DEFB110: variants seen among roughly 807,000 people sequenced by gnomAD.
DEFB110 encodes the protein beta-defensin 110.
In DEFB110, 4 loss-of-function variants were observed where a neutral mutation model predicts 2.5. The observed-to-expected ratio is 1.60, with a 90% CI of 0.79 to 3.66. The LOEUF (loss-of-function observed/expected upper bound fraction) is 3.66. Among genes scored for constraint, DEFB110 ranks in the 30% most tolerant of loss-of-function variants. DEFB110 has a pLI of 0.01. For synonymous variants in DEFB110, 29 were observed against 21.8 expected, an observed-to-expected ratio of 1.33 and a Z score of -0.92; for missense variants, 94 against 75.4, an observed-to-expected ratio of 1.25 and a Z score of -0.91.
At chr6:50,017,683 CTA>C (rs148434252), downstream of DEFB110, among the ~76,000 whole-genome samples, 4,964 of 151,774 alleles carry the variant, frequency 0.033, 272 homozygotes, top group African/African-American at 0.11. Flanking sequence ...CAATCAAAGA[CTA>C]TGTAAATTTT....
chr6:50,009,872 G>A (rs1030597723), intron 1 of DEFB110, among the ~76,000 whole-genome samples: 11 of 152,010 alleles, frequency 7.2e-5, no homozygotes, highest in Non-Finnish European at 1.5e-4. Flanking sequence ...TTCTATTATA[G>A]TTTCTTGTGA....
exon 2 of DEFB110, chr6:50,009,254 G>A: frequency 6.3e-7 from 1 of 1,596,618 alleles, no homozygotes; most frequent in Non-Finnish European, 8.5e-7. Flanking sequence ...CTATACTTTG[G>A]TTCAAAATTG....
chr6:50,009,212 A>G (rs1248295369), exon 2 of DEFB110: 4 of 1,609,532 alleles, frequency 2.5e-6, no homozygotes, highest in Non-Finnish European at 3.4e-6. Flanking sequence ...AACGTTTTAC[A>G]TATTCCTCTC....
downstream of DEFB110, among the ~76,000 whole-genome samples, chr6:50,015,636 T>G (rs1774303283): frequency 6.6e-6 from 1 of 151,850 alleles, no homozygotes; most frequent in Non-Finnish European, 1.5e-5. Context: ...CTCTAACACT[T>G]ATTGCCTTGT....
chr6:50,018,525 A>G (rs1238492994), downstream of DEFB110, among the ~76,000 whole-genome samples: 1 of 151,948 alleles, frequency 6.6e-6, no homozygotes, highest in African/African-American at 2.4e-5. Flanking sequence ...CTCAATGTCC[A>G]GTCTCCCAAG....
chr6:50,010,422 T>C (rs546920897), intron 1 of DEFB110, among the ~76,000 whole-genome samples: 8 of 151,810 alleles, frequency 5.3e-5, no homozygotes, highest in African/African-American at 1.7e-4. Context: ...AGAGAAAAAC[T>C]AGAGAAGATC....
chr6:50,009,231 G>T lies in DEFB110; in HGVS notation c.96C>A (p.Cys32Ter). Residue 32 changes from cysteine (C) to a stop codon, truncating the protein, a stop_gained, in exon 2 of 2, where the codon TGC becomes TGA. Transcript: ENST00000393660. LOFTEE classifies it high-confidence loss of function. ...TTTTACATATTCCTCTCACTTTTTC[G>T]CATCTTTCAAATCTATACTTTGGTT... is the stretch of plus-strand genomic sequence containing the variant. The T allele has an allele frequency of 1.2e-6, 2 of 1,606,750 alleles. No homozygotes were observed. Among genetic ancestry groups the T allele is most frequent in the Non-Finnish European group, 8.5e-7 (1 of 1,178,290 alleles).
chr6:50,019,166 A>G (rs1774373442), intron 1 of DEFB110, 41 bp from the exon 2 acceptor site: 4 of 1,584,444 alleles, frequency 2.5e-6, no homozygotes, highest in South Asian at 1.1e-5. Context: ...CCATCTAGCT[A>G]TGACACATCC....
chr6:50,015,552 C>A (rs145683469), downstream of DEFB110, among the ~76,000 whole-genome samples: 1 of 151,890 alleles, frequency 6.6e-6, no homozygotes, highest in South Asian at 2.1e-4. Context: ...TACAATAGGG[C>A]TCTATGACAA....
At chr6:50,017,496 C>T (rs1056402859), downstream of DEFB110, among the ~76,000 whole-genome samples, 3 of 151,662 alleles carry the variant, frequency 2.0e-5, no homozygotes, top group Non-Finnish European at 2.9e-5. Flanking sequence ...GTGTGCTATT[C>T]GCATCTAGTG....
At chr6:50,014,720 C>T (rs1774287902), downstream of DEFB110, among the ~76,000 whole-genome samples, 2 of 151,860 alleles carry the variant, frequency 1.3e-5, no homozygotes, top group South Asian at 4.1e-4. Context: ...AGCTAATGAT[C>T]TTGCTCCCTT....
chr6:50,009,688 T>A (rs1774194632), intron 1 of DEFB110, among the ~76,000 whole-genome samples: 1 of 152,170 alleles, frequency 6.6e-6, no homozygotes, highest in Non-Finnish European at 1.5e-5. Flanking sequence ...TTGAACATAG[T>A]GGTCACACAA....
intron 1 of DEFB110, among the ~76,000 whole-genome samples, 183 bp downstream of exon 1, chr6:50,021,698 T>G (rs1774420355): frequency 6.6e-6 from 1 of 152,226 alleles, no homozygotes; most frequent in African/African-American, 2.4e-5. Context: ...TCATACTTGT[T>G]ATTTTTGTCT....
intron 1 of DEFB110, among the ~76,000 whole-genome samples, chr6:50,011,514 G>A (rs1260496166): frequency 1.3e-5 from 2 of 152,020 alleles, no homozygotes; most frequent in Non-Finnish European, 2.9e-5. Context: ...AAATAGAGTG[G>A]AGATATGCTG....
Position 50,021,915 on chromosome 6 carries a change from G to A in DEFB110, c.21C>T (p.Phe7=). The part of the protein sequence containing the change: MKIQLF[F]FILHFWVTIL... ...TTGTGACCCAAAAGTGCAGAATAAA[G>A]AAAAAAAGTTGAATCTTCATGGTAG... Residue 7 remains phenylalanine (F), a synonymous_variant, in exon 1 of 2, where the codon TTC becomes TTT. Transcript: ENST00000371148. The A allele has an allele frequency of 6.4e-7, 1 of 1,556,998 alleles. No individual in the cohort carries two copies. The highest frequency in any genetic ancestry group is 2.1e-5 in the Admixed American group (1 of 46,562).
chr6:50,011,750 T>C (rs903341196), intron 1 of DEFB110, among the ~76,000 whole-genome samples: 2 of 152,068 alleles, frequency 1.3e-5, no homozygotes, highest in African/African-American at 4.8e-5. Context: ...CCTGGAAATG[T>C]CATCCATAAG....
intron 1 of DEFB110, among the ~76,000 whole-genome samples, chr6:50,012,008 T>C (rs1195763725): frequency 6.6e-6 from 1 of 152,048 alleles, no homozygotes; most frequent in East Asian, 1.9e-4. Flanking sequence ...CTTATTAAAT[T>C]GAGGTTTTAT....
At chr6:50,019,226 T>C (rs965156952) in intron 1 of DEFB110, 101 bp from the exon 2 acceptor site, 6 of 1,251,346 alleles carry the variant, frequency 4.8e-6, no homozygotes, top group South Asian at 1.5e-5. Context: ...AGAGTGAAAA[T>C]GTCCACCTAC....
chr6:50,015,647 A>G (rs1487878580), downstream of DEFB110, among the ~76,000 whole-genome samples: 5 of 151,844 alleles, frequency 3.3e-5, no homozygotes, highest in Admixed American at 2.0e-4. Flanking sequence ...ATTGCCTTGT[A>G]ATATAATAGA....
Sources: gnomAD v4.1 joint callset for allele counts (sites outside exome capture counted in the v4.1 genomes callset) on GRCh38, gnomAD v4.1.1 for gene constraint, MANE v1.5 for transcripts, NCBI Gene and HGNC (gene_info 2026-07-23, HGNC 2026-07-21) for gene names.